CACUL1: variants seen among roughly 807,000 people sequenced by gnomAD.
The protein encoded by CACUL1 is CDK2-associated and cullin domain-containing protein 1.
A neutral mutation model predicts 45.2 loss-of-function variants in CACUL1; 13 were observed. The ratio of observed to expected loss-of-function variants is 0.29; its 90% CI spans 0.19 to 0.46. The LOEUF (loss-of-function observed/expected upper bound fraction) is 0.46. Among genes scored for constraint, CACUL1 ranks in the 20% least tolerant of loss-of-function variants. The pLI, the probability that CACUL1 is intolerant of heterozygous loss-of-function variation, is 1.00. For synonymous variants in CACUL1, 197 were observed against 174.2 expected, an observed-to-expected ratio of 1.13 and a Z score of -1.03; for missense variants, 421 against 471.4, an observed-to-expected ratio of 0.89 and a Z score of 0.99.
intron 3 of CACUL1, among the ~76,000 whole-genome samples, chr10:118,710,367 T>A (rs73423948): frequency 6.6e-6 from 1 of 152,116 alleles, no homozygotes; most frequent in Admixed American, 6.6e-5. Flanking sequence ...CAAAGCATGA[T>A]CAATCCAAGG....
chr10:118,707,629 G>T, intron 3 of CACUL1, 42 bp from the exon 4 acceptor site: 1 of 888,644 alleles, frequency 1.1e-6, no homozygotes, highest in Non-Finnish European at 1.8e-6. Context: ...GGGAAACCAG[G>T]GAAAGACCTT....
Position 118,681,291 on chromosome 10 carries a change from G to A in CACUL1, c.*4837C>T, listed in dbSNP as rs1845150828. 6.6e-6 allele frequency: 1 copy of A among 152,182 alleles called. No homozygotes were observed. Among genetic ancestry groups the A allele is most frequent in the African/African-American group, 2.4e-5 (1 of 41,434 alleles). The allele number at this position is 152,182 out of a possible 1,614,324, so 9.4% of individuals were successfully genotyped here. A position where few individuals can be genotyped will look rare whatever the true frequency, so the allele number is the denominator to read the frequency against. The stretch of plus-strand genomic sequence containing the variant: ...TGAGTGGCAAAAGCCTCTTGCTCGT[G>A]CTTGCCCTCCAAATTTTTCATAAGC... On this transcript the variant is annotated 3_prime_UTR_variant, in exon 9 of 9. Coordinates refer to ENST00000369151, the MANE Select transcript of CACUL1 (RefSeq NM_153810.5).
chr10:118,707,345 C>A, intron 4 of CACUL1, 147 bp downstream of exon 4: 1 of 491,718 alleles, frequency 2.0e-6, no homozygotes, highest in Non-Finnish European at 3.6e-6. Flanking sequence ...ATGTCAACAA[C>A]TATCGCACAT....
chr10:118,685,947 T>A lies in CACUL1; in HGVS notation c.*181A>T. The A allele has an allele frequency of 2.5e-6, 1 of 396,630 alleles. No homozygotes were observed. Among genetic ancestry groups the A allele is most frequent in the Non-Finnish European group, 4.6e-6 (1 of 219,406 alleles). The allele number at this position is 396,630 out of a possible 1,614,324, so 24.6% of individuals were successfully genotyped here. A position where few individuals can be genotyped will look rare whatever the true frequency, so the allele number is the denominator to read the frequency against. On this transcript the variant is annotated 3_prime_UTR_variant, in exon 9 of 9. Transcript: ENST00000369151. ...CACCCCCAAGTCTAGCAGCAACGTT[T>A]TTTTTTTTTTTAGTTTTTGTTTTAA...
chr10:118,752,868 C>A (rs1186575368), intron 1 of CACUL1, among the ~76,000 whole-genome samples: 1 of 152,154 alleles, frequency 6.6e-6, no homozygotes, highest in East Asian at 1.9e-4. Context: ...AATTCATCAG[C>A]CTAAGTTCAT....
chr10:118,682,395 C>T lies in CACUL1; in HGVS notation c.*3733G>A, dbSNP rs574810020. 10 of 152,032 alleles carry T rather than the reference C, an allele frequency of 6.6e-5. No homozygotes were observed. The East Asian group carries it at 7.7e-4, about 12-fold the overall frequency. The allele number at this position is 152,032 out of a possible 1,614,324, so 9.4% of individuals were successfully genotyped here. A position where few individuals can be genotyped will look rare whatever the true frequency, so the allele number is the denominator to read the frequency against. On this transcript the variant is annotated 3_prime_UTR_variant, in exon 9 of 9. Transcript: ENST00000369151. ...ACAAAAATAATTAACTGCTATAAAA[C>T]GGGAAAAAAAGTAGAAGAAAATAAA...
intron 3 of CACUL1, among the ~76,000 whole-genome samples, chr10:118,726,582 G>A (rs4752192): frequency 0.28 from 42,772 of 152,064 alleles, 6,204 homozygotes; most frequent in East Asian, 0.39. Flanking sequence ...TTTGAGAGGA[G>A]TGCAGGAGTT....
chr10:118,717,660 G>C (rs1478845199), intron 3 of CACUL1, among the ~76,000 whole-genome samples: 1 of 152,188 alleles, frequency 6.6e-6, no homozygotes, highest in African/African-American at 2.4e-5. Context: ...GGTGATGGTA[G>C]TCATAAAAGC....
At chr10:118,740,010 G>C (rs1205570579) in intron 1 of CACUL1, among the ~76,000 whole-genome samples, 1 of 152,074 alleles carries the variant, frequency 6.6e-6, no homozygotes, top group Non-Finnish European at 1.5e-5. Flanking sequence ...AGCTGGGTGT[G>C]GTGGCATGCG....
chr10:118,691,999 G>A (rs1309526849), intron 6 of CACUL1, among the ~76,000 whole-genome samples: 5 of 151,444 alleles, frequency 3.3e-5, no homozygotes, highest in Non-Finnish European at 7.4e-5. Flanking sequence ...AAAATTATAA[G>A]TATGGAGGAA....
intron 3 of CACUL1, among the ~76,000 whole-genome samples, chr10:118,714,594 A>C (rs1306504606): frequency 2.0e-5 from 3 of 152,086 alleles, no homozygotes; most frequent in Non-Finnish European, 4.4e-5. Flanking sequence ...CCAAAGTCTA[A>C]CCGTAGTTTG....
chr10:118,707,457 A>T, intron 4 of CACUL1, 35 bp downstream of exon 4: 2 of 953,370 alleles, frequency 2.1e-6, no homozygotes, highest in Non-Finnish European at 3.4e-6. Flanking sequence ...CAATACACCT[A>T]GGTATTTGGG....
chr10:118,722,178 G>C (rs185672435), intron 3 of CACUL1, among the ~76,000 whole-genome samples: 1 of 151,600 alleles, frequency 6.6e-6, no homozygotes, highest in Non-Finnish European at 1.5e-5. Flanking sequence ...CCGCCTCCCA[G>C]GTTCAAGTGA....
intron 7 of CACUL1, among the ~76,000 whole-genome samples, chr10:118,690,433 A>T (rs1845253560): frequency 6.6e-6 from 1 of 151,844 alleles, no homozygotes. Flanking sequence ...ATTAAAATGT[A>T]TTTTAGTTGA....
intron 3 of CACUL1, among the ~76,000 whole-genome samples, chr10:118,721,434 A>T (rs1171748678): frequency 6.6e-6 from 1 of 152,128 alleles, no homozygotes; most frequent in Non-Finnish European, 1.5e-5. Context: ...AAACCAAGAT[A>T]CAGTTAGACA....
chr10:118,683,351 T>C lies in CACUL1; in HGVS notation c.*2777A>G, dbSNP rs1845172731. The C allele has an allele frequency of 7.0e-6, 1 of 142,406 alleles. No individual in the cohort carries two copies. Among genetic ancestry groups the C allele is most frequent in the Non-Finnish European group, 1.5e-5 (1 of 66,812 alleles). The allele number at this position is 142,406 out of a possible 1,614,324, so 8.8% of individuals were successfully genotyped here. The stretch of plus-strand genomic sequence containing the variant: ...ATGTGGTACAAAACCCAGTATGTAA[T>C]TGGGGTAGAAAAACCATATACTGTA... On this transcript the variant is annotated 3_prime_UTR_variant, in exon 9 of 9. Coordinates refer to ENST00000369151, the MANE Select transcript of CACUL1 (RefSeq NM_153810.5).
chr10:118,732,471 T>C (rs1320814802), intron 1 of CACUL1, among the ~76,000 whole-genome samples: 4 of 152,150 alleles, frequency 2.6e-5, no homozygotes, highest in African/African-American at 9.7e-5. Flanking sequence ...CGACTACTTC[T>C]CTCAATGTTC....
chr10:118,695,135 G>A lies in CACUL1; in HGVS notation c.886+6C>T, dbSNP rs1845310378. ...TCCAATCCCAACAGAAATGAGAAAT[G>A]TTTACCTGGTCTGAGGGTATACAGG... On this transcript the variant is annotated splice_donor_region_variant and intron_variant, in intron 6 of 8. Coordinates refer to ENST00000369151, the MANE Select transcript of CACUL1 (RefSeq NM_153810.5). The A allele has an allele frequency of 6.6e-7, 1 of 1,520,310 alleles. No individual in the cohort carries two copies. The highest frequency in any genetic ancestry group is 1.1e-5 in the South Asian group (1 of 89,222). 94.2% of individuals were successfully genotyped at this position (1,520,310 alleles called of 1,614,324 possible).
At chr10:118,748,627 T>C (rs116607941) in intron 1 of CACUL1, among the ~76,000 whole-genome samples, 1 of 152,296 alleles carries the variant, frequency 6.6e-6, no homozygotes, top group African/African-American at 2.4e-5. Context: ...AAAGGAAATG[T>C]TCACTGGAAA....
Sources: allele counts gnomAD v4.1 joint callset (sites outside exome capture counted in the v4.1 genomes callset), GRCh38; gene constraint gnomAD v4.1.1; transcripts MANE v1.5; gene names NCBI Gene and HGNC (gene_info 2026-07-23, HGNC 2026-07-21).